The following LRRIQ3 variants were observed in gnomAD, a reference collection of about 807,000 sequenced individuals.
The protein encoded by LRRIQ3 is leucine rich repeats and IQ motif containing 3.
In LRRIQ3, 75 loss-of-function variants were observed where a neutral mutation model predicts 59.3. The ratio of observed to expected loss-of-function variants is 1.26; its 90% CI spans 1.05 to 1.53. LRRIQ3 has a LOEUF of 1.53. Among genes scored for constraint, LRRIQ3 ranks in the 40% most tolerant of loss-of-function variants. The probability of loss-of-function intolerance (pLI) is 0.00; values close to 1 mark genes in which losing one functional copy is unlikely to be tolerated. For missense variants in LRRIQ3, 831 were observed against 710.0 expected, an observed-to-expected ratio of 1.17 and a Z score of -1.94; for synonymous variants, 250 against 231.3, an observed-to-expected ratio of 1.08 and a Z score of -0.73.
At position 74,180,953 on chromosome 1, in the gene LRRIQ3, T is replaced by C. The variant is rs908974586; in HGVS notation, c.573+1585A>G. On this transcript the variant is annotated intron_variant, in intron 3 of 7. Transcript: ENST00000354431. The stretch of plus-strand genomic sequence containing the variant: ...AACACTAGCTGACATTTTATGGTTG[T>C]TTAGTTTTATTTTTGTTTCCAGATT... The C allele has an allele frequency of 1.0e-5, 7 of 674,266 alleles. No individual in the cohort carries two copies. In the African/African-American group the frequency reaches 1.3e-4, roughly 12 times the overall value. 41.8% of individuals were successfully genotyped at this position (674,266 alleles called of 1,614,324 possible). A position where few individuals can be genotyped will look rare whatever the true frequency, so the allele number is the denominator to read the frequency against.
intron 4 of LRRIQ3, among the ~76,000 whole-genome samples, chr1:74,111,869 C>A (rs1399301599): frequency 1.3e-5 from 2 of 152,036 alleles, no homozygotes; most frequent in African/African-American, 4.8e-5. Context: ...GGTATTTTCA[C>A]AAGAAATGCA....
chr1:74,175,067 T>A (rs564841434), intron 3 of LRRIQ3, among the ~76,000 whole-genome samples: 1 of 152,276 alleles, frequency 6.6e-6, no homozygotes, highest in South Asian at 2.1e-4. Flanking sequence ...TTAAAGGTCT[T>A]CACCAGTCAG....
chr1:74,191,512 T>C (rs1650767916), intron 1 of LRRIQ3, among the ~76,000 whole-genome samples: 1 of 152,024 alleles, frequency 6.6e-6, no homozygotes, highest in Non-Finnish European at 1.5e-5. Context: ...ACATGGAGCA[T>C]TCACTCACCA....
chr1:74,098,239 A>T (rs1445813798), intron 5 of LRRIQ3, among the ~76,000 whole-genome samples: 1 of 152,190 alleles, frequency 6.6e-6, no homozygotes, highest in Non-Finnish European at 1.5e-5. Context: ...AAACAAAAAA[A>T]GGCAGGGGTT....
At chr1:74,029,103 G>A (rs1190096872) in intron 7 of LRRIQ3, among the ~76,000 whole-genome samples, 1 of 152,116 alleles carries the variant, frequency 6.6e-6, no homozygotes, top group Non-Finnish European at 1.5e-5. Context: ...ATCAGCTTAA[G>A]GAGATTTTGG....
At chr1:74,158,515 C>G (rs1480761758) in intron 3 of LRRIQ3, among the ~76,000 whole-genome samples, 1 of 152,072 alleles carries the variant, frequency 6.6e-6, no homozygotes, top group Non-Finnish European at 1.5e-5. Flanking sequence ...CAATTTTAGT[C>G]TTTGGGAGAC....
intron 6 of LRRIQ3, among the ~76,000 whole-genome samples, chr1:74,050,150 CTGACCTCATG>C (rs1317812856): frequency 1.3e-5 from 2 of 151,976 alleles, no homozygotes; most frequent in Non-Finnish European, 2.9e-5. Context: ...TCTCAAACTC[CTGACCTCATG>C]ATCTGCCCAC....
At chr1:74,103,291 T>C (rs1646560452) in intron 5 of LRRIQ3, among the ~76,000 whole-genome samples, 1 of 152,018 alleles carries the variant, frequency 6.6e-6, no homozygotes, top group Admixed American at 6.6e-5. Context: ...ACTTGATTGA[T>C]TGCAAGTTTG....
At chr1:74,101,477 C>G (rs1004740081) in intron 5 of LRRIQ3, among the ~76,000 whole-genome samples, 6 of 152,126 alleles carry the variant, frequency 3.9e-5, no homozygotes, top group Non-Finnish European at 8.8e-5. Context: ...TAAACCAGTT[C>G]AAGCATTGTG....
Position 74,145,169 on chromosome 1 carries a change from C to G in LRRIQ3, c.707+10564G>C, listed in dbSNP as rs1001549054. On this transcript the variant is annotated intron_variant, in intron 4 of 7. Transcript: ENST00000354431. Reference sequence around the variant, plus strand: ...ATTCCATTTTCCATTTTCCTAAGAGCTAAGGCCACAGTCATATGACTTAGC... The same window carrying G: ...ATTCCATTTTCCATTTTCCTAAGAGGTAAGGCCACAGTCATATGACTTAGC... Among the ~76,000 whole-genome samples, 4 of 152,214 alleles carry G rather than the reference C, an allele frequency of 2.6e-5. No individual in the cohort carries two copies. In the East Asian group the frequency reaches 7.7e-4, roughly 29 times the overall value.
chr1:74,078,755 T>C (rs1487150989), intron 5 of LRRIQ3: 1 of 151,780 alleles, frequency 6.6e-6, no homozygotes, highest in African/African-American at 2.4e-5. Flanking sequence ...CCTACTGAAT[T>C]ATTGTGAACG....
intron 6 of LRRIQ3, among the ~76,000 whole-genome samples, chr1:74,069,945 GA>G (rs1021438141): frequency 1.3e-5 from 2 of 151,714 alleles, no homozygotes; most frequent in African/African-American, 4.8e-5. Flanking sequence ...GCATTAGTCA[GA>G]ATGGTTATTA....
At chr1:74,119,751 C>T (rs1033886442) in intron 4 of LRRIQ3, among the ~76,000 whole-genome samples, 2 of 152,098 alleles carry the variant, frequency 1.3e-5, no homozygotes, top group Non-Finnish European at 2.9e-5. Flanking sequence ...ATACACAGCT[C>T]TTTTTAGGGG....
At chr1:74,185,307 T>C (rs1046276355) in intron 1 of LRRIQ3, among the ~76,000 whole-genome samples, 1 of 152,182 alleles carries the variant, frequency 6.6e-6, no homozygotes, top group Non-Finnish European at 1.5e-5. Context: ...CACCAGTACA[T>C]AATGTTGTCA....
At chr1:74,094,243 G>A (rs1053679166) in intron 5 of LRRIQ3, among the ~76,000 whole-genome samples, 3 of 151,982 alleles carry the variant, frequency 2.0e-5, no homozygotes, top group Admixed American at 6.6e-5. Flanking sequence ...GAATTTCAAC[G>A]TATGAATTTT....
intron 7 of LRRIQ3, among the ~76,000 whole-genome samples, chr1:74,040,616 T>C (rs1274081122): frequency 6.6e-6 from 1 of 152,120 alleles, no homozygotes; most frequent in Non-Finnish European, 1.5e-5. Context: ...GCAATCAAAG[T>C]AGAGCTCAGG....
chr1:74,184,449 T>G (rs917221527), intron 1 of LRRIQ3, among the ~76,000 whole-genome samples: 5 of 152,146 alleles, frequency 3.3e-5, no homozygotes, highest in African/African-American at 4.8e-5. Context: ...GTGGTCTATT[T>G]GGAAGTATGT....
chr1:74,117,485 G>T (rs1646793083), intron 4 of LRRIQ3, among the ~76,000 whole-genome samples: 1 of 152,184 alleles, frequency 6.6e-6, no homozygotes, highest in African/African-American at 2.4e-5. Flanking sequence ...TAATATACCA[G>T]CTTAGTGAGG....
chr1:74,134,200 A>C (rs998060926), intron 4 of LRRIQ3, among the ~76,000 whole-genome samples: 1 of 152,060 alleles, frequency 6.6e-6, no homozygotes, highest in Non-Finnish European at 1.5e-5. Context: ...AAATTTCCCA[A>C]AATTACCATT....
Sources: gnomAD v4.1 joint callset for allele counts (sites outside exome capture counted in the v4.1 genomes callset) on GRCh38, gnomAD v4.1.1 for gene constraint, MANE v1.5 for transcripts, NCBI Gene and HGNC (gene_info 2026-07-23, HGNC 2026-07-21) for gene names.